The following USP34 variants were observed in gnomAD, a reference collection of about 807,000 sequenced individuals.
USP34 encodes ubiquitin specific peptidase 34.
A neutral mutation model predicts 460.3 loss-of-function variants in USP34; 70 were observed. The observed-to-expected ratio is 0.15, with a 90% CI of 0.13 to 0.19. The LOEUF (loss-of-function observed/expected upper bound fraction) is 0.19, where lower values mean the gene tolerates loss of function less well. Ranked by LOEUF, USP34 falls within the 10% of genes least tolerant of loss-of-function variation. The probability of loss-of-function intolerance (pLI) is 1.00; values close to 1 mark genes in which losing one functional copy is unlikely to be tolerated. For missense variants in USP34, 3,985 were observed against 4,236.2 expected (o/e 0.94, Z 1.65); for synonymous variants, 1,647 against 1,405.3 (o/e 1.17, Z -3.85).
At chr2:61,352,909 C>G (rs1199900247) in intron 10 of USP34, among the ~76,000 whole-genome samples, 3 of 152,132 alleles carry the variant, frequency 2.0e-5, no homozygotes, top group African/African-American at 2.4e-5. Context: ...GATGGGAGAA[C>G]AGAAAACGCC....
At position 61,300,962 on chromosome 2, in the gene USP34, C is replaced by A. The variant is rs761414589; in HGVS notation, c.4117G>T (p.Asp1373Tyr). The change falls in exon 29 of 80, where the codon GAT (aspartate) becomes TAT (tyrosine). Residue 1373 changes from aspartate to tyrosine, a missense_variant. By Grantham distance (160) the Asp-to-Tyr change is radical. Coordinates refer to ENST00000398571, the MANE Select transcript of USP34 (RefSeq NM_014709.4). ...TGAAACATAGTCACCTCACTATCAT[C>A]CACTGCCACTTTTCCTGAGGGTGGT... ...FKPPSGKVAV[D>Y]DSESLRCEEL... The A allele has an allele frequency of 5.6e-6, 9 of 1,611,086 alleles. No individual in the cohort carries two copies. The highest frequency in any genetic ancestry group is 4.4e-5 in the South Asian group (4 of 90,580).
chr2:61,280,200 C>G, intron 39 of USP34, 44 bp downstream of exon 39: 1 of 1,132,768 alleles, frequency 8.8e-7, no homozygotes, highest in South Asian at 1.6e-5. Flanking sequence ...TTCATATTAA[C>G]AAGAAGAGAA....
At chr2:61,319,402 G>A in intron 21 of USP34, 75 bp from the exon 22 acceptor site, 3 of 1,075,930 alleles carry the variant, frequency 2.8e-6, no homozygotes, top group Non-Finnish European at 3.8e-6. Flanking sequence ...GCATGTGTAT[G>A]TACAGTAAGT....
At chr2:61,330,405 A>G (rs1691224601) in intron 20 of USP34, among the ~76,000 whole-genome samples, 1 of 152,224 alleles carries the variant, frequency 6.6e-6, no homozygotes, top group South Asian at 2.1e-4. Flanking sequence ...TGCACCCTAA[A>G]GGACACAGTA....
chr2:61,409,254 G>A (rs1421021329), intron 2 of USP34, among the ~76,000 whole-genome samples: 2 of 151,392 alleles, frequency 1.3e-5, no homozygotes, highest in Non-Finnish European at 2.9e-5. Flanking sequence ...CAGGTTCAAA[G>A]TAAGAGGTCA....
At chr2:61,269,030 G>C (rs914095987) in intron 41 of USP34, among the ~76,000 whole-genome samples, 2 of 152,078 alleles carry the variant, frequency 1.3e-5, no homozygotes, top group Non-Finnish European at 2.9e-5. Flanking sequence ...CATATATTTT[G>C]TTGTAGAGAA....
intron 1 of USP34, among the ~76,000 whole-genome samples, chr2:61,456,647 T>C (rs912223625): frequency 5.3e-5 from 8 of 150,060 alleles, no homozygotes; most frequent in African/African-American, 1.5e-4. Flanking sequence ...TGAAACCCCA[T>C]CTCTACTAAA....
intron 32 of USP34, among the ~76,000 whole-genome samples, chr2:61,294,046 A>T (rs1194220779): frequency 1.3e-5 from 2 of 151,724 alleles, no homozygotes; most frequent in African/African-American, 2.4e-5. Flanking sequence ...ACAAGAATTT[A>T]AAAAAATATA....
intron 16 of USP34, among the ~76,000 whole-genome samples, chr2:61,342,475 T>TA (rs1347360919): frequency 1.3e-5 from 2 of 151,402 alleles, no homozygotes; most frequent in East Asian, 2.0e-4. Context: ...TAATTTATTT[T>TA]TTTTTTTTGT....
chr2:61,353,936 A>G (rs570428656), intron 10 of USP34, among the ~76,000 whole-genome samples: 1 of 152,204 alleles, frequency 6.6e-6, no homozygotes, highest in Non-Finnish European at 1.5e-5. Context: ...AGCGGAAAAA[A>G]GAATCAGCAT....
chr2:61,275,618 T>C lies in USP34; in HGVS notation c.5433+2547A>G, dbSNP rs1158176457. Among the ~76,000 whole-genome samples, 16 of 55,308 alleles carry C rather than the reference T, an allele frequency of 2.9e-4. No homozygotes were observed. The South Asian group carries it at 3.4e-3, about 12-fold the overall frequency. The allele number at this position is 55,308 out of a possible 152,430, so 36.3% of individuals were successfully genotyped here. On this transcript the variant is annotated intron_variant, in intron 41 of 79. Transcript: ENST00000398571. ...AGCTTGAATAAGGAGACCCTGTCCC[T>C]TTTTTTTTTTTAAATGAACTGTTTA...
At chr2:61,303,173 T>A (rs1227627803) in intron 27 of USP34, among the ~76,000 whole-genome samples, 1 of 151,964 alleles carries the variant, frequency 6.6e-6, no homozygotes, top group Non-Finnish European at 1.5e-5. Context: ...TTCAAGCAAT[T>A]CTCCAGTCTC....
At chr2:61,325,209 T>C (rs942870024) in intron 21 of USP34, among the ~76,000 whole-genome samples, 166 bp downstream of exon 21, 2 of 150,844 alleles carry the variant, frequency 1.3e-5, no homozygotes, top group Non-Finnish European at 2.9e-5. Flanking sequence ...GCAATACTGG[T>C]AGGGATTTGT....
At chr2:61,470,582 G>T in intron 1 of USP34, 68 bp downstream of exon 1, 1 of 1,129,494 alleles carries the variant, frequency 8.9e-7, no homozygotes, top group Non-Finnish European at 1.3e-6. Context: ...GGCAGCCCGG[G>T]GAGGCCAGAG....
Position 61,405,718 on chromosome 2 carries a change from G to C in USP34, c.542C>G (p.Pro181Arg), listed in dbSNP as rs1693851901. 6.5e-7 allele frequency: 1 copy of C among 1,544,454 alleles called. No homozygotes were observed. Among genetic ancestry groups the C allele is most frequent in the Non-Finnish European group, 8.7e-7 (1 of 1,150,580 alleles). ...LYTAYKHNTH[P>R]TIEDISTQES... ...ACCTATTTTACATACCTCAATAGTA[G>C]GGTGAGTATTATGCTTGTAAGCAGT... The change falls in exon 3 of 80, where the codon CCT becomes CGT. Residue 181 changes from proline (P) to arginine (R), a missense_variant. Pro to Arg is a moderately radical substitution (Grantham distance 103). Coordinates refer to ENST00000398571, the MANE Select transcript of USP34 (RefSeq NM_014709.4).
intron 48 of USP34, among the ~76,000 whole-genome samples, chr2:61,255,982 C>T (rs1219865498): frequency 1.3e-5 from 2 of 152,206 alleles, no homozygotes; most frequent in Non-Finnish European, 2.9e-5. Context: ...GGGTTCAGTA[C>T]AATCTGAGGT....
intron 1 of USP34, among the ~76,000 whole-genome samples, chr2:61,437,814 T>TAAATAAATAAATAAAA (rs1191482540): frequency 1.5e-3 from 221 of 150,066 alleles, no homozygotes; most frequent in South Asian, 5.2e-3. Context: ...AATAAATAAA[T>TAAATAAATAAATAAAA]AAAAAACCTG....
At chr2:61,279,078 C>T (rs1188790806) in intron 39 of USP34, among the ~76,000 whole-genome samples, 3 of 150,758 alleles carry the variant, frequency 2.0e-5, no homozygotes, top group Admixed American at 2.0e-4. Flanking sequence ...TATTTTAGCT[C>T]AAATGGGCAA....
chr2:61,390,370 G>T (rs1452356602), intron 5 of USP34, among the ~76,000 whole-genome samples: 1 of 152,266 alleles, frequency 6.6e-6, no homozygotes, highest in African/African-American at 2.4e-5. Context: ...TTGGGTCTCA[G>T]TGGAGAAACT....
Sources: allele counts gnomAD v4.1 joint callset (sites outside exome capture counted in the v4.1 genomes callset), GRCh38; gene constraint gnomAD v4.1.1; transcripts MANE v1.5; gene names NCBI Gene and HGNC (gene_info 2026-07-23, HGNC 2026-07-21).